The following SIAE variants were observed in gnomAD, a reference collection of about 807,000 sequenced individuals.
SIAE encodes the protein sialate O-acetylesterase.
In SIAE, 39 loss-of-function variants were observed where a neutral mutation model predicts 52.6. The observed-to-expected ratio is 0.74, with a 90% CI of 0.57 to 0.97. The LOEUF is 0.97. Among genes scored for constraint, SIAE ranks in the 50% least tolerant of loss-of-function variants. SIAE has a pLI of 0.00. For synonymous variants in SIAE, 233 were observed against 241.4 expected (o/e 0.97, Z 0.32); for missense variants, 592 against 662.1 (o/e 0.89, Z 1.16).
intron 2 of SIAE, among the ~76,000 whole-genome samples, chr11:124,662,101 A>G (rs1403650784): frequency 6.6e-6 from 1 of 152,262 alleles, no homozygotes; most frequent in African/African-American, 2.4e-5. Context: ...AGCATAAGCA[A>G]CTAAGCTTGC....
chr11:124,636,787 G>T lies in SIAE; in HGVS notation c.*164C>A. On this transcript the variant is annotated 3_prime_UTR_variant, in exon 10 of 10. Transcript: ENST00000263593. ...AGCAAGCATTTCAAGTTACCTATAA[G>T]CCTGGGCTCATCAGAATATAGAAAC... The T allele has an allele frequency of 1.0e-6, 1 of 991,180 alleles. No individual in the cohort carries two copies. The highest frequency in any genetic ancestry group is 2.5e-5 in the East Asian group (1 of 39,634). The allele number at this position is 991,180 out of a possible 1,614,324, so 61.4% of individuals were successfully genotyped here.
chr11:124,643,024 G>C (rs1942873451), intron 7 of SIAE, among the ~76,000 whole-genome samples: 1 of 152,164 alleles, frequency 6.6e-6, no homozygotes, highest in Non-Finnish European at 1.5e-5. Context: ...ACCCTCAGCA[G>C]AAGATCCAGC....
At chr11:124,667,079 ATC>A (rs1240074175) in intron 2 of SIAE, among the ~76,000 whole-genome samples, 4 of 152,246 alleles carry the variant, frequency 2.6e-5, no homozygotes, top group Non-Finnish European at 4.4e-5. Flanking sequence ...GCACTGTGTT[ATC>A]TCTGTCACCT....
rs2134345578 is a variant in SIAE at position 124,635,648 on chromosome 11, A to ACAT, written c.*1300_*1302dup. ...CCATATTTTTTACACTACGTAAAAT[A>ACAT]CATTGTATATGTACAGTGAGTGATG... On this transcript the variant is annotated 3_prime_UTR_variant, in exon 10 of 10. Transcript: ENST00000263593. 6.6e-6 allele frequency: 1 copy of ACAT among 152,372 alleles called. No individual in the cohort carries two copies. Among genetic ancestry groups the ACAT allele is most frequent in the Non-Finnish European group, 1.5e-5 (1 of 68,038 alleles). 9.4% of individuals were successfully genotyped at this position (152,372 alleles called of 1,614,324 possible). A position where few individuals can be genotyped will look rare whatever the true frequency, so the allele number is the denominator to read the frequency against.
Position 124,645,248 on chromosome 11 carries a change from G to A in SIAE, c.966+2117C>T, listed in dbSNP as rs1050385220. The stretch of plus-strand genomic sequence containing the variant: ...GTTGGTGATAATAAAGTTAAAACCT[G>A]GAGGTTAAGGGACTTTCACTAAACT... On this transcript the variant is annotated intron_variant, in intron 7 of 9. Transcript: ENST00000263593. This position sits in a 1 kb window ranked among gnomAD's most constrained non-coding sequence, Gnocchi z 4.7. Among the ~76,000 whole-genome samples the A allele has an allele frequency of 6.6e-6, 1 of 151,738 alleles. No individual in the cohort carries two copies. Among genetic ancestry groups the A allele is most frequent in the African/African-American group, 2.4e-5 (1 of 41,380 alleles).
intron 2 of SIAE, among the ~76,000 whole-genome samples, chr11:124,667,638 C>T (rs1281655976): frequency 1.3e-5 from 2 of 152,198 alleles, no homozygotes; most frequent in Admixed American, 6.5e-5. Flanking sequence ...TTGCTCAAAC[C>T]ACCAATTTGT....
intron 7 of SIAE, among the ~76,000 whole-genome samples, chr11:124,644,465 C>T (rs1487223837): frequency 6.6e-6 from 1 of 151,912 alleles, no homozygotes; most frequent in Non-Finnish European, 1.5e-5. Context: ...AGAATTCTTG[C>T]AGCAATTCAC....
chr11:124,669,241 TG>T, intron 2 of SIAE, 118 bp downstream of exon 2: 1 of 1,297,254 alleles, frequency 7.7e-7, no homozygotes, highest in Non-Finnish European at 1.1e-6. Flanking sequence ...TATGGATGAA[TG>T]GACAGACGGA....
intron 3 of SIAE, among the ~76,000 whole-genome samples, chr11:124,657,952 A>T (rs1035719501): frequency 1.3e-5 from 2 of 152,222 alleles, no homozygotes; most frequent in Non-Finnish European, 2.9e-5. Flanking sequence ...ATTTCATCTC[A>T]TCAAACACTG....
chr11:124,636,835 A>G lies in SIAE; in HGVS notation c.*116T>C. 1 of 1,440,752 alleles carries G rather than the reference A, an allele frequency of 6.9e-7. No homozygotes were observed. Among genetic ancestry groups the G allele is most frequent in the Non-Finnish European group, 9.7e-7 (1 of 1,026,732 alleles). The allele number at this position is 1,440,752 out of a possible 1,614,324, so 89.2% of individuals were successfully genotyped here. A position where few individuals can be genotyped will look rare whatever the true frequency, so the allele number is the denominator to read the frequency against. On this transcript the variant is annotated 3_prime_UTR_variant, in exon 10 of 10. Coordinates refer to ENST00000263593, the MANE Select transcript of SIAE (RefSeq NM_170601.5). ...AACAGCCATGTGCTAGCTGAAAGCC[A>G]TTCAATGAGGCTTTCTATTAATTTC...
chr11:124,665,310 G>A (rs189945948), intron 2 of SIAE, among the ~76,000 whole-genome samples: 1 of 152,236 alleles, frequency 6.6e-6, no homozygotes, highest in Non-Finnish European at 1.5e-5. Context: ...TTCACTTTAA[G>A]TTAATAAAAA....
At chr11:124,660,008 G>C (rs1300718631) in intron 3 of SIAE, 1 of 156,822 alleles carries the variant, frequency 6.4e-6, no homozygotes, top group Non-Finnish European at 1.4e-5. Flanking sequence ...CAAGAAAACA[G>C]GCCGGGCTCA....
intron 5 of SIAE, among the ~76,000 whole-genome samples, chr11:124,649,021 G>C (rs936562235): frequency 1.3e-5 from 2 of 152,136 alleles, no homozygotes; most frequent in African/African-American, 4.8e-5. Context: ...GTATTCACTA[G>C]CCCTTTCCCT....
Position 124,636,776 on chromosome 11 carries a change from G to T in SIAE, c.*175C>A, listed in dbSNP as rs1259559322. 9 of 882,550 alleles carry T rather than the reference G, an allele frequency of 1.0e-5. No homozygotes were observed. The highest frequency in any genetic ancestry group is 1.6e-5 in the Non-Finnish European group (9 of 571,528). The allele number at this position is 882,550 out of a possible 1,614,324, so 54.7% of individuals were successfully genotyped here. On this transcript the variant is annotated 3_prime_UTR_variant, in exon 10 of 10. Coordinates refer to ENST00000263593, the MANE Select transcript of SIAE (RefSeq NM_170601.5). ...AGGGAACAAAAAGCAAGCATTTCAA[G>T]TTACCTATAAGCCTGGGCTCATCAG...
intron 9 of SIAE, 75 bp downstream of exon 9, chr11:124,638,467 A>G (rs1423376611): frequency 1.3e-5 from 20 of 1,496,900 alleles, no homozygotes; most frequent in African/African-American, 2.8e-5. Flanking sequence ...ATAACAAAAG[A>G]GATGGCCTCA....
upstream of SIAE, chr11:124,674,741 A>AT (rs1176255051): frequency 6.5e-6 from 1 of 153,496 alleles, no homozygotes; most frequent in Non-Finnish European, 1.4e-5. Flanking sequence ...TGTTCGAAGC[A>AT]TTGTGGGTCA....
At chr11:124,669,641 C>A in intron 1 of SIAE, 120 bp from the exon 2 acceptor site, 1 of 933,482 alleles carries the variant, frequency 1.1e-6, no homozygotes, top group Non-Finnish European at 1.7e-6. Context: ...ATACTAAGTC[C>A]CTTTAATCGT....
rs1454445203 is a variant in SIAE at position 124,634,544 on chromosome 11, A to C, written c.*2407T>G. The C allele has an allele frequency of 6.6e-6, 1 of 152,118 alleles. No individual in the cohort carries two copies. Among genetic ancestry groups the C allele is most frequent in the African/African-American group, 2.4e-5 (1 of 41,416 alleles). 9.4% of individuals were successfully genotyped at this position (152,118 alleles called of 1,614,324 possible). ...GTAGATATCTAAATTTTAAATATATATTTATCCTCTTCCATGTTAAGAACC... is the reference window on the plus strand; with the variant it reads ...GTAGATATCTAAATTTTAAATATATCTTTATCCTCTTCCATGTTAAGAACC... On this transcript the variant is annotated 3_prime_UTR_variant, in exon 10 of 10. Coordinates refer to ENST00000263593, the MANE Select transcript of SIAE (RefSeq NM_170601.5).
intron 5 of SIAE, among the ~76,000 whole-genome samples, chr11:124,649,230 T>C (rs1942982752): frequency 6.6e-6 from 1 of 151,998 alleles, no homozygotes; most frequent in Non-Finnish European, 1.5e-5. Flanking sequence ...CATGAGCAAG[T>C]TACTAAGTCT....
Sources: allele counts gnomAD v4.1 joint callset (sites outside exome capture counted in the v4.1 genomes callset), GRCh38; gene constraint gnomAD v4.1.1; non-coding constraint Gnocchi (gnomAD v3.1); transcripts MANE v1.5; gene names NCBI Gene and HGNC (gene_info 2026-07-23, HGNC 2026-07-21).